NCOA2: variants seen among roughly 807,000 people sequenced by gnomAD.
NCOA2 encodes the protein nuclear receptor coactivator 2.
NCOA2 carries 21 observed loss-of-function variants against 145.1 expected under a neutral mutation model. The ratio of observed to expected loss-of-function variants is 0.14; its 90% CI spans 0.10 to 0.21. The LOEUF (loss-of-function observed/expected upper bound fraction) is 0.21. Ranked by LOEUF, NCOA2 falls within the 10% of genes least tolerant of loss-of-function variation. The pLI is 1.00. For synonymous variants in NCOA2, 619 were observed against 637.5 expected, an observed-to-expected ratio of 0.97 and a Z score of 0.44; for missense variants, 1,472 against 1,837.6, an observed-to-expected ratio of 0.80 and a Z score of 3.64.
chr8:70,423,056 CTCCT>C, the NCOA2 span, among the ~76,000 whole-genome samples: 1 of 152,146 alleles, frequency 6.6e-6, no homozygotes, highest in African/African-American at 2.4e-5. Flanking sequence ...ATGTATTAAC[CTCCT>C]GATTGGGATG....
intron 1 of NCOA2, among the ~76,000 whole-genome samples, chr8:70,303,747 G>C (rs185056500): frequency 1.2e-3 from 175 of 152,042 alleles, no homozygotes; most frequent in Non-Finnish European, 2.0e-3. Context: ...CTTTTATTAG[G>C]GTGCTTTGCC....
intron 1 of NCOA2, chr8:70,401,927 A>C (rs1020917434): frequency 3.9e-5 from 6 of 152,282 alleles, no homozygotes; most frequent in Admixed American, 6.5e-5. Context: ...GTCTAAGACA[A>C]CGTCTATTTC....
At chr8:70,114,825 A>G (rs1806904782) in intron 22 of NCOA2, among the ~76,000 whole-genome samples, 1 of 152,202 alleles carries the variant, frequency 6.6e-6, no homozygotes. Flanking sequence ...AATCTATTTT[A>G]CCTTAGCACT....
At chr8:70,394,405 T>G (rs1239043517) in intron 1 of NCOA2, among the ~76,000 whole-genome samples, 1 of 152,206 alleles carries the variant, frequency 6.6e-6, no homozygotes, top group African/African-American at 2.4e-5. Context: ...TCCGCCCACC[T>G]CGGCCTCCCA....
In NCOA2 at chr8:70,131,637, T is replaced by C. The variant is rs1044498484; in HGVS notation, c.3324+200A>G. Among the ~76,000 whole-genome samples, 3 of 152,180 alleles carry C rather than the reference T, an allele frequency of 2.0e-5. No individual in the cohort carries two copies. The East Asian group carries it at 5.8e-4, about 29-fold the overall frequency. Reference sequence around the variant, plus strand: ...AACTGTATGCAATGCTCATTTTCAGTGCTCTCCATTCTCAGGCAAAAGTTT... The same window carrying C: ...AACTGTATGCAATGCTCATTTTCAGCGCTCTCCATTCTCAGGCAAAAGTTT... On this transcript the variant is annotated intron_variant, in intron 16 of 22. Coordinates refer to ENST00000452400, the MANE Select transcript of NCOA2 (RefSeq NM_006540.4).
chr8:70,145,125 T>TTTCATTCA (rs144420333), intron 12 of NCOA2, among the ~76,000 whole-genome samples: 8 of 151,942 alleles, frequency 5.3e-5, no homozygotes, highest in African/African-American at 1.7e-4. Context: ...CCAATAGTAA[T>TTTCATTCA]TTCATTCATT....
At chr8:70,455,458 G>A in the NCOA2 span, among the ~76,000 whole-genome samples, 1 of 152,218 alleles carries the variant, frequency 6.6e-6, no homozygotes, top group Non-Finnish European at 1.5e-5. Context: ...TTTACCTGGT[G>A]TATTTCAGGA....
intron 13 of NCOA2, among the ~76,000 whole-genome samples, chr8:70,143,851 A>C (rs771956907): frequency 6.6e-6 from 1 of 152,248 alleles, no homozygotes; most frequent in Non-Finnish European, 1.5e-5. Flanking sequence ...CAGAGGAAGA[A>C]AGCTATAAAC....
Position 70,401,321 on chromosome 8 carries a change from CTG to C in NCOA2, c.-77+2377_-77+2378del, listed in dbSNP as rs1390301132. On this transcript the variant is annotated intron_variant, in intron 1 of 22. Coordinates refer to ENST00000452400, the MANE Select transcript of NCOA2 (RefSeq NM_006540.4). ...TATAAACCAGAAAAGTACCCACACA[CTG>C]TACAATTCAGCAGTGTTTAAGAAAA... is the stretch of plus-strand genomic sequence containing the variant. 3.9e-5 allele frequency among the ~76,000 whole-genome samples: 6 copies of C among 152,284 alleles called. No homozygotes were observed. The East Asian group carries it at 1.2e-3, about 29-fold the overall frequency.
chr8:70,206,541 C>G (rs1818462005), intron 4 of NCOA2, among the ~76,000 whole-genome samples: 1 of 152,128 alleles, frequency 6.6e-6, no homozygotes, highest in African/African-American at 2.4e-5. Context: ...TTTTAAAAAT[C>G]CAAATTATCT....
At chr8:70,454,841 T>C in the NCOA2 span, among the ~76,000 whole-genome samples, 1 of 152,200 alleles carries the variant, frequency 6.6e-6, no homozygotes, top group African/African-American at 2.4e-5. Flanking sequence ...GTTTTCCTGT[T>C]TCAGGTGTTT....
chr8:70,364,621 A>G (rs1810511632), intron 1 of NCOA2, among the ~76,000 whole-genome samples: 2 of 152,130 alleles, frequency 1.3e-5, no homozygotes, highest in Non-Finnish European at 2.9e-5. Flanking sequence ...TTCTTAAGCT[A>G]GCATGCTAAT....
chr8:70,276,797 A>AT (rs1326488743), intron 2 of NCOA2, among the ~76,000 whole-genome samples: 2 of 152,136 alleles, frequency 1.3e-5, no homozygotes, highest in Admixed American at 6.5e-5. Context: ...GGACTAATAT[A>AT]TACACCCGTT....
At chr8:70,205,325 A>C (rs553629457) in intron 4 of NCOA2, among the ~76,000 whole-genome samples, 2 of 152,328 alleles carry the variant, frequency 1.3e-5, no homozygotes, top group African/African-American at 4.8e-5. Flanking sequence ...AAATAATCAC[A>C]CCAAAGTGAA....
At chr8:70,157,318 T>C in intron 10 of NCOA2, 78 bp from the exon 11 acceptor site, 4 of 1,272,874 alleles carry the variant, frequency 3.1e-6, no homozygotes, top group Non-Finnish European at 3.2e-6. Flanking sequence ...TTAAAAATGA[T>C]ATGGCCTCTT....
intron 1 of NCOA2, among the ~76,000 whole-genome samples, chr8:70,309,378 AAAAG>A (rs1444014580): frequency 2.0e-5 from 3 of 152,088 alleles, no homozygotes; most frequent in African/African-American, 7.2e-5. Context: ...TAAAAAAAAA[AAAAG>A]AAACATCTCG....
chr8:70,277,450 A>C (rs1003581126), intron 2 of NCOA2, among the ~76,000 whole-genome samples: 1 of 152,310 alleles, frequency 6.6e-6, no homozygotes, highest in East Asian at 1.9e-4. Flanking sequence ...AGATGTAGCT[A>C]TATCTTTCGG....
chr8:70,175,973 C>T (rs1234409569), intron 4 of NCOA2, among the ~76,000 whole-genome samples: 3 of 151,714 alleles, frequency 2.0e-5, no homozygotes, highest in African/African-American at 7.3e-5. Flanking sequence ...TGTGGGTCCT[C>T]CCAATCTTGC....
At chr8:70,318,825 C>T (rs1805823275) in intron 1 of NCOA2, among the ~76,000 whole-genome samples, 1 of 152,160 alleles carries the variant, frequency 6.6e-6, no homozygotes, top group East Asian at 1.9e-4. Context: ...CTACAGTTTA[C>T]AGCCACTCCC....
Sources: allele counts gnomAD v4.1 joint callset (sites outside exome capture counted in the v4.1 genomes callset), GRCh38; gene constraint gnomAD v4.1.1; transcripts MANE v1.5; gene names NCBI Gene and HGNC (gene_info 2026-07-23, HGNC 2026-07-21).